The following CD8B variants were observed in gnomAD, a reference collection of about 807,000 sequenced individuals.
CD8B encodes the protein CD8 subunit beta.
A neutral mutation model predicts 24.2 loss-of-function variants in CD8B; 6 were observed. The ratio of observed to expected loss-of-function variants is 0.25; its 90% CI spans 0.14 to 0.49. The LOEUF (loss-of-function observed/expected upper bound fraction) is 0.49. Ranked by LOEUF, CD8B falls within the 20% of genes least tolerant of loss-of-function variation. The probability of loss-of-function intolerance (pLI) is 0.98; values close to 1 mark genes in which losing one functional copy is unlikely to be tolerated. For synonymous variants in CD8B, 84 were observed against 108.3 expected (o/e 0.78, Z 1.39); for missense variants, 196 against 271.3 (o/e 0.72, Z 1.95).
intron 5 of CD8B, among the ~76,000 whole-genome samples, chr2:86,844,197 G>T (rs1325230720): frequency 1.3e-5 from 2 of 151,702 alleles, no homozygotes; most frequent in Non-Finnish European, 2.9e-5. Context: ...CACCACTAAA[G>T]GTCCCAGCCC....
At position 86,858,102 on chromosome 2, in the gene CD8B, C is replaced by A; in HGVS notation, c.358G>T (p.Gly120Trp). Residue 120 changes from glycine to tryptophan, a missense_variant, in exon 2 of 6, where the codon GGG (glycine) becomes TGG (tryptophan). Coordinates refer to ENST00000390655, the MANE Select transcript of CD8B (RefSeq NM_004931.5). ...TTCCCGAAGGTCAGCTCGGGGCTCC[C>A]GACGATCATGCAGAAGTAGATGCCA... ...DSGIYFCMIV[G>W]SPELTFGKGT... The A allele has an allele frequency of 6.8e-6, 11 of 1,613,976 alleles. No homozygotes were observed. The highest frequency in any genetic ancestry group is 9.3e-6 in the Non-Finnish European group (11 of 1,179,858).
chr2:86,852,922 A>G (rs1448659809), intron 3 of CD8B, 75 bp downstream of exon 3: 6 of 1,049,300 alleles, frequency 5.7e-6, no homozygotes, highest in Non-Finnish European at 8.1e-6. Context: ...TGCCTGGGGA[A>G]GGAAGGAGGG....
At chr2:86,844,261 T>C (rs1573512405) in intron 5 of CD8B, among the ~76,000 whole-genome samples, 1 of 151,108 alleles carries the variant, frequency 6.6e-6, no homozygotes, top group Non-Finnish European at 1.5e-5. Flanking sequence ...AAGAGTGCTA[T>C]GTGACTCTGT....
chr2:86,847,903 T>A (rs1675764567), intron 3 of CD8B, among the ~76,000 whole-genome samples: 1 of 152,184 alleles, frequency 6.6e-6, no homozygotes, highest in South Asian at 2.1e-4. Flanking sequence ...ATAGAGTGGA[T>A]TATACTGTAC....
In CD8B at chr2:86,841,791, C is replaced by T. The variant is rs3088385; in HGVS notation, c.*516G>A. 1.0e-6 allele frequency: 1 copy of T among 985,764 alleles called. No individual in the cohort carries two copies. The highest frequency in any genetic ancestry group is 1.7e-5 in the African/African-American group (1 of 57,362). 61.1% of individuals were successfully genotyped at this position (985,764 alleles called of 1,614,324 possible). A position where few individuals can be genotyped will look rare whatever the true frequency, so the allele number is the denominator to read the frequency against. On this transcript the variant is annotated 3_prime_UTR_variant, in exon 6 of 6. Coordinates refer to ENST00000390655, the MANE Select transcript of CD8B (RefSeq NM_004931.5). ...AAGGAAGCCCTCAGAGACTGATATG[C>T]CTTCTGGGAACTGGACAGCCCCTCT... is the stretch of plus-strand genomic sequence containing the variant.
chr2:86,836,607 G>A (rs1315065951), downstream of CD8B, among the ~76,000 whole-genome samples: 5 of 152,018 alleles, frequency 3.3e-5, no homozygotes, highest in East Asian at 1.9e-4. Context: ...GCAACATAGC[G>A]AGACCTCATC....
intron 1 of CD8B, among the ~76,000 whole-genome samples, chr2:86,858,686 T>TTA (rs1187876227): frequency 2.8e-5 from 4 of 144,620 alleles, no homozygotes; most frequent in African/African-American, 1.1e-4. Flanking sequence ...TATTGTGTAC[T>TTA]TATATGCCTG....
At chr2:86,843,110 G>C (rs1192425337) in intron 5 of CD8B, among the ~76,000 whole-genome samples, 2 of 149,836 alleles carry the variant, frequency 1.3e-5, no homozygotes, top group Admixed American at 1.3e-4. Context: ...TTTTTTTTTT[G>C]AGACAGAGTT....
At chr2:86,836,703 C>A (rs1675191448), downstream of CD8B, among the ~76,000 whole-genome samples, 1 of 152,094 alleles carries the variant, frequency 6.6e-6, no homozygotes, top group Non-Finnish European at 1.5e-5. Context: ...GAGGTCAAGG[C>A]TGCAGTGAGC....
chr2:86,815,432 G>A (rs1322888229), downstream of CD8B: 3 of 596,336 alleles, frequency 5.0e-6, no homozygotes, highest in African/African-American at 5.5e-5. Context: ...GGACACTTTG[G>A]GGTTCACAAG....
chr2:86,819,772 T>C (rs900911924), intron 5 of CD8B, among the ~76,000 whole-genome samples: 1 of 152,210 alleles, frequency 6.6e-6, no homozygotes, highest in Non-Finnish European at 1.5e-5. Flanking sequence ...TATTAAGAAA[T>C]ACATTTCGTA....
In CD8B at chr2:86,841,918, A is replaced by C; in HGVS notation, c.*389T>G. 7 of 997,840 alleles carry C rather than the reference A, an allele frequency of 7.0e-6. No homozygotes were observed. Among genetic ancestry groups the C allele is most frequent in the Non-Finnish European group, 8.3e-6 (7 of 838,382 alleles). The allele number at this position is 997,840 out of a possible 1,614,324, so 61.8% of individuals were successfully genotyped here. A position where few individuals can be genotyped will look rare whatever the true frequency, so the allele number is the denominator to read the frequency against. ...AGCCAGCCCAGCATCACCCCATGAAAGACCCAGGACCCAATGTTACTGCCC... is the reference window on the plus strand; with the variant it reads ...AGCCAGCCCAGCATCACCCCATGAACGACCCAGGACCCAATGTTACTGCCC... On this transcript the variant is annotated 3_prime_UTR_variant, in exon 6 of 6. Transcript: ENST00000390655.
At chr2:86,845,558 G>T (rs1357122506) in intron 4 of CD8B, among the ~76,000 whole-genome samples, 1 of 152,180 alleles carries the variant, frequency 6.6e-6, no homozygotes, top group East Asian at 1.9e-4. Context: ...AGCCTCTCGA[G>T]TACGGGCACT....
chr2:86,849,924 G>A (rs1200294369), intron 3 of CD8B, among the ~76,000 whole-genome samples: 3 of 152,008 alleles, frequency 2.0e-5, no homozygotes, highest in Non-Finnish European at 2.9e-5. Context: ...GGCTGGTCTC[G>A]AACTCCTGAC....
intron 5 of CD8B, among the ~76,000 whole-genome samples, chr2:86,829,789 T>C (rs919414489): frequency 7.2e-5 from 11 of 152,344 alleles, no homozygotes; most frequent in Admixed American, 7.2e-4. Flanking sequence ...TACCTGCAAC[T>C]GTTTCGGTAA....
chr2:86,861,080 C>T (rs769418196), intron 1 of CD8B, among the ~76,000 whole-genome samples: 2 of 152,168 alleles, frequency 1.3e-5, no homozygotes, highest in East Asian at 1.9e-4. Flanking sequence ...GAACCCCCGG[C>T]GGGCAGGCCT....
intron 5 of CD8B, among the ~76,000 whole-genome samples, chr2:86,827,518 C>T (rs779332357): frequency 2.0e-5 from 3 of 151,306 alleles, no homozygotes; most frequent in Non-Finnish European, 2.9e-5. Context: ...CAGCTACTCA[C>T]GAGCTAAGTG....
intron 5 of CD8B, among the ~76,000 whole-genome samples, chr2:86,823,834 G>A (rs1283554957): frequency 6.6e-6 from 1 of 152,152 alleles, no homozygotes; most frequent in Non-Finnish European, 1.5e-5. Flanking sequence ...AGTGCTGTAA[G>A]TGCAGTGACA....
At chr2:86,857,102 C>T (rs1028037555) in intron 2 of CD8B, among the ~76,000 whole-genome samples, 18 of 151,912 alleles carry the variant, frequency 1.2e-4, no homozygotes, top group East Asian at 7.8e-4. Context: ...TCAGCACCCC[C>T]GTGTGACACA....
Sources: allele counts gnomAD v4.1 joint callset (sites outside exome capture counted in the v4.1 genomes callset), GRCh38; gene constraint gnomAD v4.1.1; transcripts MANE v1.5; gene names NCBI Gene and HGNC (gene_info 2026-07-23, HGNC 2026-07-21).